Variants in KLK14 observed in about 807,000 individuals in gnomAD.
KLK14 encodes the protein kallikrein-14.
In KLK14, 21 loss-of-function variants were observed where a neutral mutation model predicts 24.6. The ratio of observed to expected loss-of-function variants is 0.85; its 90% CI spans 0.61 to 1.23. The LOEUF is 1.23. KLK14 is among the 50% of genes most tolerant of loss of function. The pLI is 0.00. For missense variants in KLK14, 320 were observed against 338.9 expected, an observed-to-expected ratio of 0.94 and a Z score of 0.44; for synonymous variants, 133 against 139.7, an observed-to-expected ratio of 0.95 and a Z score of 0.34.
upstream of KLK14, among the ~76,000 whole-genome samples, chr19:51,083,295 GAGA>G (rs2091852095): frequency 1.3e-5 from 2 of 150,702 alleles, no homozygotes; most frequent in African/African-American, 4.9e-5. Flanking sequence ...GGGAGAGAGA[GAGA>G]GAGAGAGAGA....
Position 51,079,469 on chromosome 19 carries a change from C to A in KLK14, c.446G>T (p.Gly149Val), listed in dbSNP as rs761660113. 2 of 1,612,924 alleles carry A rather than the reference C, an allele frequency of 1.2e-6. No homozygotes were observed. The highest frequency in any genetic ancestry group is 3.3e-5 in the Admixed American group (2 of 60,008). Residue 149 changes from glycine to valine, a missense_variant, in exon 4 of 6, where the codon GGA becomes GTA. By Grantham distance (109) the Gly-to-Val change is moderately radical. Coordinates refer to ENST00000650543, the MANE Select transcript of KLK14 (RefSeq NM_001369775.2). ...PGTSCRVSGW[G>V]TISSPIARYP... The stretch of plus-strand genomic sequence containing the variant: ...CTCACCGATGGGGCTGGATATAGTT[C>A]CCCAGCCTGACACTCGGCAGGAGGT...
At chr19:51,081,855 C>T (rs62114143) in intron 2 of KLK14, 152 bp from the exon 3 acceptor site, 95,513 of 663,022 alleles carry the variant, frequency 0.14, 7,957 homozygotes, top group Middle Eastern at 0.22. Flanking sequence ...GTGAGACATG[C>T]CCAATATTGA....
chr19:51,079,614 G>A lies in KLK14; in HGVS notation c.301C>T (p.Pro101Ser). 1.2e-6 allele frequency: 2 copies of A among 1,613,210 alleles called. No homozygotes were observed. The highest frequency in any genetic ancestry group is 2.2e-5 in the East Asian group (1 of 44,840). Reference sequence around the variant, plus strand: ...TCGTGGGTCCGGGAGTTGTAGTTGGGGTGCGTCACCTGACGAACCACGCGC... The same window carrying A: ...TCGTGGGTCCGGGAGTTGTAGTTGGAGTGCGTCACCTGACGAACCACGCGC... Reference protein sequence around the residue: ...VLRVVRQVTHPNYNSRTHDND... With the variant: ...VLRVVRQVTHSNYNSRTHDND... The change falls in exon 4 of 6, where the codon CCC becomes TCC. Residue 101 changes from proline to serine, a missense_variant. Transcript: ENST00000650543.
intron 2 of KLK14, 43 bp from the exon 3 acceptor site, chr19:51,081,746 C>T (rs2091841086): frequency 1.4e-6 from 2 of 1,443,996 alleles, no homozygotes; most frequent in Non-Finnish European, 1.9e-6. Flanking sequence ...GATGAGCAAA[C>T]ACTCTCCACT....
rs575704233 is a variant in KLK14, at chr19:51,078,707, C to T, written c.603+108G>A. 5.3e-5 allele frequency: 75 copies of T among 1,412,498 alleles called. No homozygotes were observed. In the African/African-American group the frequency reaches 6.6e-4, roughly 12 times the overall value. The allele number at this position is 1,412,498 out of a possible 1,614,324, so 87.5% of individuals were successfully genotyped here. ...GGCTATCGGAATCTCTCTGTGCCTGCGGTTCACTCTCTTCTGAAGACCTCT... is the reference window on the plus strand; with the variant it reads ...GGCTATCGGAATCTCTCTGTGCCTGTGGTTCACTCTCTTCTGAAGACCTCT... On this transcript the variant is annotated intron_variant, in intron 5 of 5. Coordinates refer to ENST00000650543, the MANE Select transcript of KLK14 (RefSeq NM_001369775.2). This position sits in a 1 kb window ranked among gnomAD's most constrained non-coding sequence, Gnocchi z 5.0.
Position 51,079,619 on chromosome 19 carries a change from G to A in KLK14, c.296C>T (p.Thr99Met), listed in dbSNP as rs370841624. ...GGTCCGGGAGTTGTAGTTGGGGTGCGTCACCTGACGAACCACGCGCAGCAC... is the reference window on the plus strand; with the variant it reads ...GGTCCGGGAGTTGTAGTTGGGGTGCATCACCTGACGAACCACGCGCAGCAC... ...QQVLRVVRQV[T>M]HPNYNSRTHD... Residue 99 changes from threonine (T) to methionine (M), a missense_variant, in exon 4 of 6, where the codon ACG becomes ATG. By Grantham distance (81) the Thr-to-Met change is moderately conservative (BLOSUM62 -1). Transcript: ENST00000650543. 1.2e-4 allele frequency: 201 copies of A among 1,612,396 alleles called. No homozygotes were observed. The highest frequency in any genetic ancestry group is 2.0e-4 in the East Asian group (9 of 44,812).
rs2091831463 is a variant in KLK14, at chr19:51,080,182, A to ATTTAT, written c.213-481_213-480insATAAA. The stretch of plus-strand genomic sequence containing the variant: ...GGATTATGACTTGATTTATTTATTT[A>ATTTAT]TTTTTTTTTTGTGATGGAGTCTCGC... On this transcript the variant is annotated intron_variant, in intron 3 of 5. Coordinates refer to ENST00000650543, the MANE Select transcript of KLK14 (RefSeq NM_001369775.2). Among the ~76,000 whole-genome samples, 6 of 145,016 alleles carry ATTTAT rather than the reference A, an allele frequency of 4.1e-5. No individual in the cohort carries two copies. In the South Asian group the frequency reaches 1.3e-3, roughly 31 times the overall value.
At chr19:51,083,038 T>A (rs146771122), upstream of KLK14, among the ~76,000 whole-genome samples, 358 of 151,284 alleles carry the variant, frequency 2.4e-3, 3 homozygotes, top group East Asian at 0.021. Context: ...CTCCCCTGTC[T>A]GGCCAAAAAA....
At position 51,078,312 on chromosome 19, in the gene KLK14, C is replaced by T. The variant is rs955304280; in HGVS notation, c.604-153G>A. Among the ~76,000 whole-genome samples, 1 of 152,130 alleles carries T rather than the reference C, an allele frequency of 6.6e-6. No individual in the cohort carries two copies. Among genetic ancestry groups the T allele is most frequent in the Non-Finnish European group, 1.5e-5 (1 of 67,994 alleles). ...CTGCCCCAGCTCTGAGGTCTCAGCC[C>T]CGGAGGTCGGGGCACTTCCTTCCCT... On this transcript the variant is annotated intron_variant, in intron 5 of 5. Transcript: ENST00000650543. The surrounding 1 kb of genome is among the most constrained non-coding windows in gnomAD (Gnocchi z 5.0).
At position 51,078,201 on chromosome 19, in the gene KLK14, A is replaced by G; in HGVS notation, c.604-42T>C. The G allele has an allele frequency of 6.3e-7, 1 of 1,599,256 alleles. No individual in the cohort carries two copies. The highest frequency in any genetic ancestry group is 8.5e-7 in the Non-Finnish European group (1 of 1,172,202). ...GAAATGGAGACACTGATGGACAGGT[A>G]GCCAGAGCCACCATGGCACAGAGAA... On this transcript the variant is annotated intron_variant, in intron 5 of 5. Coordinates refer to ENST00000650543, the MANE Select transcript of KLK14 (RefSeq NM_001369775.2). The surrounding 1 kb of genome is among the most constrained non-coding windows in gnomAD (Gnocchi z 5.0).
In KLK14 at chr19:51,078,952, C is replaced by T. The variant is rs1223679490; in HGVS notation, c.467-1G>A. ...CATTGCAGAGAGGCGGGGTACCTGG[C>T]TGGGGGACACTGCAGGGTTATAACT... On this transcript the variant is annotated splice_acceptor_variant, in intron 4 of 5. Coordinates refer to ENST00000650543, the MANE Select transcript of KLK14 (RefSeq NM_001369775.2). LOFTEE classifies it high-confidence loss of function. This position sits in a 1 kb window ranked among gnomAD's most constrained non-coding sequence, Gnocchi z 5.0. The T allele has an allele frequency of 6.2e-7, 1 of 1,613,412 alleles. No individual in the cohort carries two copies. The highest frequency in any genetic ancestry group is 8.5e-7 in the Non-Finnish European group (1 of 1,179,802).
intron 3 of KLK14, among the ~76,000 whole-genome samples, chr19:51,080,723 G>T (rs2091834428): frequency 6.6e-6 from 1 of 152,090 alleles, no homozygotes. Context: ...GCCTAGCCTG[G>T]AGTGCAATGG....
chr19:51,081,988 C>T (rs1373654275), intron 2 of KLK14, among the ~76,000 whole-genome samples: 3 of 152,100 alleles, frequency 2.0e-5, no homozygotes, highest in East Asian at 3.9e-4. Context: ...ACCCTTAGCT[C>T]TATGCTCCCA....
At chr19:51,083,075 G>A (rs918642020), upstream of KLK14, among the ~76,000 whole-genome samples, 10 of 151,480 alleles carry the variant, frequency 6.6e-5, no homozygotes, top group Middle Eastern at 3.4e-3. Context: ...ATGAGAACCC[G>A]CCCAGGGAAG....
rs765331583 is a variant in KLK14, at chr19:51,079,470, C to T, written c.445G>A (p.Gly149Arg). Reference protein sequence around the residue: ...PGTSCRVSGWGTISSPIARYP... With the variant: ...PGTSCRVSGWRTISSPIARYP... ...TCACCGATGGGGCTGGATATAGTTC[C>T]CCAGCCTGACACTCGGCAGGAGGTC... The change falls in exon 4 of 6, where the codon GGA becomes AGA. Residue 149 changes from glycine (G) to arginine (R), a missense_variant. Transcript: ENST00000650543. 6.2e-7 allele frequency: 1 copy of T among 1,613,104 alleles called. No individual in the cohort carries two copies. Among genetic ancestry groups the T allele is most frequent in the South Asian group, 1.1e-5 (1 of 91,044 alleles).
Position 51,078,998 on chromosome 19 carries a change from C to A in KLK14, c.467-47G>T. ...TAACTGGGTCTACCCTCCCATAAGA[C>A]CCAAGGGTCCAGGCCCCCAGCCCCT... On this transcript the variant is annotated intron_variant, in intron 4 of 5. Coordinates refer to ENST00000650543, the MANE Select transcript of KLK14 (RefSeq NM_001369775.2). This position sits in a 1 kb window ranked among gnomAD's most constrained non-coding sequence, Gnocchi z 5.0. The A allele has an allele frequency of 6.4e-7, 1 of 1,573,586 alleles. No individual in the cohort carries two copies. The highest frequency in any genetic ancestry group is 8.6e-7 in the Non-Finnish European group (1 of 1,157,602).
chr19:51,079,850 C>G, intron 3 of KLK14, 148 bp from the exon 4 acceptor site: 2 of 1,267,770 alleles, frequency 1.6e-6, no homozygotes, highest in Non-Finnish European at 2.1e-6. Context: ...TTCTTGGCCT[C>G]CTGTGCCCTT....
Position 51,078,002 on chromosome 19 carries a change from G to A in KLK14, c.*5C>T, listed in dbSNP as rs761466695. On this transcript the variant is annotated 3_prime_UTR_variant, in exon 6 of 6. Transcript: ENST00000650543. This position sits in a 1 kb window ranked among gnomAD's most constrained non-coding sequence, Gnocchi z 5.0. ...CTGACGAGGTCCATCCCACCGTGAA[G>A]ACCATCATTTGTCCCGCATCGTTTC... The A allele has an allele frequency of 6.2e-7, 1 of 1,613,658 alleles. No homozygotes were observed. Among genetic ancestry groups the A allele is most frequent in the Non-Finnish European group, 8.5e-7 (1 of 1,179,732 alleles).
rs192007851 is a variant in KLK14, at chr19:51,081,634, G to A, written c.110C>T (p.Pro37Leu). ...GGHTCTRSSQ[P>L]WQAALLAGPR... ...ACCCGCCAGCAGGGCCGCCTGCCACGGCTGGGAGCTCCGGGTGCACGTATG... is the reference window on the plus strand; with the variant it reads ...ACCCGCCAGCAGGGCCGCCTGCCACAGCTGGGAGCTCCGGGTGCACGTATG... The change falls in exon 3 of 6, where the codon CCG becomes CTG. Residue 37 changes from proline (P) to leucine (L), a missense_variant. Coordinates refer to ENST00000650543, the MANE Select transcript of KLK14 (RefSeq NM_001369775.2). 5.0e-5 allele frequency: 77 copies of A among 1,552,048 alleles called. 1 individual carries two copies. In the African/African-American group the frequency reaches 7.5e-4, roughly 15 times the overall value.
Sources: gnomAD v4.1 joint callset for allele counts (sites outside exome capture counted in the v4.1 genomes callset) on GRCh38, gnomAD v4.1.1 for gene constraint, Gnocchi (gnomAD v3.1) non-coding constraint, MANE v1.5 for transcripts, NCBI Gene and HGNC (gene_info 2026-07-23, HGNC 2026-07-21) for gene names.